The following NOP16 variants were observed in gnomAD, a reference collection of about 807,000 sequenced individuals.
NOP16 encodes the protein NOP16 nucleolar protein.
Under a neutral mutation model 22.7 loss-of-function variants are expected in NOP16, and 14 were observed. The ratio of observed to expected loss-of-function variants is 0.62; its 90% CI spans 0.41 to 0.97. The LOEUF is 0.97. Among genes scored for constraint, NOP16 ranks in the 50% least tolerant of loss-of-function variants. The pLI, the probability that NOP16 is intolerant of heterozygous loss-of-function variation, is 0.00. For missense variants in NOP16, 198 were observed against 235.9 expected (o/e 0.84, Z 1.05); for synonymous variants, 80 against 83.6 (o/e 0.96, Z 0.23).
chr5:176,388,462 A>G lies in NOP16; in HGVS notation c.78T>C (p.Ala26=). ...CGATCCGCGGCGCTGCCTTCCGTCG[A>G]GCATTCCGGTTCAGACGCTTTCGGT... ...SVNRKRLNRN[A]RRKAAPRIEC... The change falls in exon 1 of 5, where the codon GCT becomes GCC. Residue 26 remains alanine, a synonymous_variant. Coordinates refer to ENST00000614830, the MANE Select transcript of NOP16 (RefSeq NM_016391.8). The G allele has an allele frequency of 6.2e-7, 1 of 1,614,172 alleles. No homozygotes were observed.
intron 4 of NOP16, 100 bp from the exon 5 acceptor site, chr5:176,384,474 G>T: frequency 8.1e-7 from 1 of 1,229,670 alleles, no homozygotes; most frequent in Non-Finnish European, 1.1e-6. Context: ...TATCCCTGAG[G>T]TCCAGAATCC....
At chr5:176,384,473 G>T in intron 4 of NOP16, 99 bp from the exon 5 acceptor site, 1 of 1,234,184 alleles carries the variant, frequency 8.1e-7, no homozygotes, top group Non-Finnish European at 1.1e-6. Flanking sequence ...CTATCCCTGA[G>T]GTCCAGAATC....
rs1334973489 is a variant in NOP16 at position 176,386,965 on chromosome 5, G to A, written c.217-56C>T. 8 of 1,469,670 alleles carry A rather than the reference G, an allele frequency of 5.4e-6. No homozygotes were observed. The East Asian group carries it at 1.8e-4, about 33-fold the overall frequency. 91.0% of individuals were successfully genotyped at this position (1,469,670 alleles called of 1,614,324 possible). A position where few individuals can be genotyped will look rare whatever the true frequency, so the allele number is the denominator to read the frequency against. On this transcript the variant is annotated intron_variant, in intron 2 of 4. Coordinates refer to ENST00000614830, the MANE Select transcript of NOP16 (RefSeq NM_016391.8). ...GGATCTTTGATGAGGGAAAGTTATA[G>A]ACTCCTGCTTATCCCAACACAACTA...
intron 3 of NOP16, chr5:176,386,608 A>C: frequency 1.6e-6 from 1 of 623,202 alleles, no homozygotes; most frequent in African/African-American, 1.8e-5. Context: ...ACCTGGGTAC[A>C]TCCTCCCTAA....
In NOP16 at chr5:176,385,220, C is replaced by A; in HGVS notation, c.393+1G>T. 6.3e-7 allele frequency: 1 copy of A among 1,586,392 alleles called. No homozygotes were observed. Among genetic ancestry groups the A allele is most frequent in the Middle Eastern group, 1.7e-4 (1 of 5,988 alleles). ...CAGCCCACGGGGCCTGAGCCGCTCA[C>A]CTTATAGTCCTCCCCGTGGTTCTCT... is the stretch of plus-strand genomic sequence containing the variant. On this transcript the variant is annotated splice_donor_variant, in intron 4 of 4. Transcript: ENST00000614830. LOFTEE classifies it high-confidence loss of function.
At chr5:176,384,680 G>A (rs1755693905) in intron 4 of NOP16, 1 of 424,274 alleles carries the variant, frequency 2.4e-6, no homozygotes, top group African/African-American at 2.0e-5. Context: ...CGAGGCAGGA[G>A]GACTGTTTCA....
chr5:176,387,239 C>G lies in NOP16; in HGVS notation c.217-330G>C, dbSNP rs534731956. Among the ~76,000 whole-genome samples the G allele has an allele frequency of 4.0e-5, 6 of 151,596 alleles. No individual in the cohort carries two copies. The East Asian group carries it at 1.2e-3, about 30-fold the overall frequency. ...GGATTACAATCATGCGCCACCATGC[C>G]CAGCTAAATTTTGTGTTTTTAGTAG... On this transcript the variant is annotated intron_variant, in intron 2 of 4. Coordinates refer to ENST00000614830, the MANE Select transcript of NOP16 (RefSeq NM_016391.8).
At position 176,388,266 on chromosome 5, in the gene NOP16, G is replaced by A; in HGVS notation, c.185C>T (p.Pro62Leu). 1 of 1,614,028 alleles carries A rather than the reference G, an allele frequency of 6.2e-7. No homozygotes were observed. The highest frequency in any genetic ancestry group is 8.5e-7 in the Non-Finnish European group (1 of 1,179,878). ...NLAEMGLAVD[P>L]NRAVPLRKRK... is the part of the protein sequence containing the mutation. The stretch of plus-strand genomic sequence containing the variant: ...CTTACGGAGGGGCACCGCCCTGTTG[G>A]GGTCCACAGCCAACCCCATCTCGGC... Residue 62 changes from proline (P) to leucine (L), a missense_variant, in exon 2 of 5, where the codon CCC becomes CTC. Transcript: ENST00000614830.
Position 176,384,157 on chromosome 5 carries a change from T to C in NOP16, c.*74A>G. ...TCCTCTGGAGCCACACAGCACCTCC[T>C]TGCCTTACACCCTGGCTCCAGCTTC... On this transcript the variant is annotated 3_prime_UTR_variant, in exon 5 of 5. Coordinates refer to ENST00000614830, the MANE Select transcript of NOP16 (RefSeq NM_016391.8). The C allele has an allele frequency of 1.2e-6, 2 of 1,613,772 alleles. No individual in the cohort carries two copies. Among genetic ancestry groups the C allele is most frequent in the Non-Finnish European group, 1.7e-6 (2 of 1,180,010 alleles).
Position 176,388,227 on chromosome 5 carries a change from G to C in NOP16, c.216+8C>G. The C allele has an allele frequency of 6.3e-7, 1 of 1,597,032 alleles. No homozygotes were observed. Among genetic ancestry groups the C allele is most frequent in the South Asian group, 1.1e-5 (1 of 90,698 alleles). The stretch of plus-strand genomic sequence containing the variant: ...AAGACAAGGACCGAGACCCTGCCAT[G>C]TCAGTACCTTTCTCTTACGGAGGGG... On this transcript the variant is annotated splice_region_variant and intron_variant, in intron 2 of 4. Transcript: ENST00000614830.
chr5:176,388,110 TG>T, intron 2 of NOP16, 124 bp downstream of exon 2: 2 of 678,266 alleles, frequency 2.9e-6, no homozygotes, highest in Non-Finnish European at 5.1e-6. Flanking sequence ...GTTCTGACTG[TG>T]GGGAGGTCGA....
rs761394555 is a variant in NOP16, at chr5:176,385,321, T to A, written c.293A>T (p.Glu98Val). 6.3e-6 allele frequency: 10 copies of A among 1,597,142 alleles called. No homozygotes were observed. The African/African-American group carries it at 1.3e-4, about 21-fold the overall frequency. ...CTTTTCTGGAAGGCTGGCTTCTGCCTCCAGGTCTGGAGTGATGAGAGAAGC... is the reference window on the plus strand; with the variant it reads ...CTTTTCTGGAAGGCTGGCTTCTGCCACCAGGTCTGGAGTGATGAGAGAAGC... ...VRKPYVLNDL[E>V]AEASLPEKKG... The change falls in exon 4 of 5, where the codon GAG becomes GTG. Residue 98 changes from glutamate (E) to valine (V), a missense_variant. Transcript: ENST00000614830.
chr5:176,386,191 T>G (rs1755831927), intron 3 of NOP16: 1 of 155,854 alleles, frequency 6.4e-6, no homozygotes, highest in Non-Finnish European at 1.4e-5. Flanking sequence ...ATTTTAAAAT[T>G]TTTAAAAATG....
rs781322768 is a variant in NOP16, at chr5:176,385,126, A to C, written c.393+95T>G. 5.1e-6 allele frequency: 4 copies of C among 784,488 alleles called. No individual in the cohort carries two copies. The African/African-American group carries it at 6.8e-5, about 13-fold the overall frequency. 48.6% of individuals were successfully genotyped at this position (784,488 alleles called of 1,614,324 possible). ...GTCTCTTTTGCCTCCCTTTCTTTGC[A>C]CTCGGTTTCAGGAAACAGGTGCTGC... is the stretch of plus-strand genomic sequence containing the variant. On this transcript the variant is annotated intron_variant, in intron 4 of 4. Coordinates refer to ENST00000614830, the MANE Select transcript of NOP16 (RefSeq NM_016391.8).
In NOP16 at chr5:176,384,378, AGAG is replaced by A; in HGVS notation, c.394-7_394-5del. 6.2e-7 allele frequency: 1 copy of A among 1,610,182 alleles called. No homozygotes were observed. The highest frequency in any genetic ancestry group is 1.1e-5 in the South Asian group (1 of 90,576). The stretch of plus-strand genomic sequence containing the variant: ...TCTTCTCATCACGGGCCATGGCCTA[AGAG>A]GAGAAGGGCTACTTTAAGGAGGGCT... On this transcript the variant is annotated splice_region_variant and splice_polypyrimidine_tract_variant and intron_variant, in intron 4 of 4. Coordinates refer to ENST00000614830, the MANE Select transcript of NOP16 (RefSeq NM_016391.8).
In NOP16 at chr5:176,384,338, T is replaced by G. The variant is rs1755660347; in HGVS notation, c.430A>C (p.Thr144Pro). ...ARDEKNYYQD[T>P]PKQIRSKINV... ...ATCTTACTCCGAATCTGTTTTGGGG[T>G]ATCTTGATAGTAATTCTTCTCATCA... Residue 144 changes from threonine to proline, a missense_variant, in exon 5 of 5, where the codon ACC (threonine) becomes CCC (proline). Physicochemically the swap from Thr to Pro is conservative, Grantham distance 38. Transcript: ENST00000614830. The G allele has an allele frequency of 3.7e-6, 6 of 1,614,124 alleles. No individual in the cohort carries two copies. Among genetic ancestry groups the G allele is most frequent in the Non-Finnish European group, 5.1e-6 (6 of 1,180,004 alleles).
rs540374183 is a variant in NOP16, at chr5:176,388,591, C to T, written c.-52G>A. 2 of 1,521,372 alleles carry T rather than the reference C, an allele frequency of 1.3e-6. No individual in the cohort carries two copies. Among genetic ancestry groups the T allele is most frequent in the Non-Finnish European group, 1.8e-6 (2 of 1,105,072 alleles). 94.2% of individuals were successfully genotyped at this position (1,521,372 alleles called of 1,614,324 possible). ...AAACACGCTGCCTCTGTCTCTCAGACCTCGTGTAACAAACTCCTTCCGGAA... is the reference window on the plus strand; with the variant it reads ...AAACACGCTGCCTCTGTCTCTCAGATCTCGTGTAACAAACTCCTTCCGGAA... On this transcript the variant is annotated 5_prime_UTR_variant, in exon 1 of 5. Coordinates refer to ENST00000614830, the MANE Select transcript of NOP16 (RefSeq NM_016391.8).
chr5:176,388,448 G>T lies in NOP16; in HGVS notation c.92C>A (p.Ala31Glu). 1 of 1,614,154 alleles carries T rather than the reference G, an allele frequency of 6.2e-7. No homozygotes were observed. Among genetic ancestry groups the T allele is most frequent in the Non-Finnish European group, 8.5e-7 (1 of 1,180,012 alleles). ...GCCCCCTCACCATTCGATCCGCGGC[G>T]CTGCCTTCCGTCGAGCATTCCGGTT... is the stretch of plus-strand genomic sequence containing the variant. ...RLNRNARRKA[A>E]PRIECSHIRH... is the part of the protein sequence containing the mutation. The change falls in exon 1 of 5, where the codon GCG (alanine) becomes GAG (glutamate). Residue 31 changes from alanine (A) to glutamate (E), a missense_variant. Physicochemically the swap from Ala to Glu is moderately radical, Grantham distance 107. Coordinates refer to ENST00000614830, the MANE Select transcript of NOP16 (RefSeq NM_016391.8).
Position 176,388,216 on chromosome 5 carries a change from G to A in NOP16, c.216+19C>T. ...GAAGAGTAAAGAAGACAAGGACCGA[G>A]ACCCTGCCATGTCAGTACCTTTCTC... On this transcript the variant is annotated intron_variant, in intron 2 of 4. Transcript: ENST00000614830. 1.3e-6 allele frequency: 2 copies of A among 1,556,848 alleles called. No homozygotes were observed. Among genetic ancestry groups the A allele is most frequent in the Non-Finnish European group, 1.8e-6 (2 of 1,128,836 alleles).
Sources: allele counts gnomAD v4.1 joint callset (sites outside exome capture counted in the v4.1 genomes callset), GRCh38; gene constraint gnomAD v4.1.1; transcripts MANE v1.5; gene names NCBI Gene and HGNC (gene_info 2026-07-23, HGNC 2026-07-21).